Variants in ABRACL observed in about 807,000 individuals in gnomAD.
ABRACL encodes costars family protein ABRACL.
In ABRACL, 4 loss-of-function variants were observed where a neutral mutation model predicts 7.0. The ratio of observed to expected loss-of-function variants is 0.57; its 90% CI spans 0.28 to 1.30. The LOEUF is 1.30. Ranked by LOEUF, ABRACL falls within the 50% of genes most tolerant of loss-of-function variation. ABRACL has a pLI of 0.10. For synonymous variants in ABRACL, 30 were observed against 36.0 expected (o/e 0.83, Z 0.60); for missense variants, 104 against 97.3 (o/e 1.07, Z -0.29).
intron 1 of ABRACL, among the ~76,000 whole-genome samples, chr6:139,032,597 G>A (rs1344644081): frequency 6.6e-6 from 1 of 152,184 alleles, no homozygotes; most frequent in Admixed American, 6.5e-5. Flanking sequence ...ATAGTCATAG[G>A]TGTCACTCTT....
At chr6:139,041,809 A>T (rs954689170) in intron 2 of ABRACL, among the ~76,000 whole-genome samples, 3 of 152,090 alleles carry the variant, frequency 2.0e-5, no homozygotes, top group Non-Finnish European at 4.4e-5. Flanking sequence ...CTAGAAAGTG[A>T]TTCTCTACCT....
intron 2 of ABRACL, among the ~76,000 whole-genome samples, chr6:139,035,551 C>T (rs1462944564): frequency 6.6e-6 from 1 of 151,966 alleles, no homozygotes; most frequent in Non-Finnish European, 1.5e-5. Context: ...GGTGCAATCT[C>T]AGCTCACTGC....
chr6:139,040,806 T>C (rs1320806359), intron 2 of ABRACL, among the ~76,000 whole-genome samples: 2 of 152,206 alleles, frequency 1.3e-5, no homozygotes, highest in South Asian at 2.1e-4. Flanking sequence ...TTCACGCTGG[T>C]CACTGTTCCC....
chr6:139,030,015 G>A (rs1282478552), intron 1 of ABRACL, among the ~76,000 whole-genome samples: 3 of 151,982 alleles, frequency 2.0e-5, no homozygotes, highest in African/African-American at 7.3e-5. Context: ...GCACAAAGCC[G>A]AAATCGATTC....
rs1173038187 is a variant in ABRACL, at chr6:139,030,986, C to T, written c.-7+2111C>T. Among the ~76,000 whole-genome samples the T allele has an allele frequency of 2.6e-5, 4 of 152,064 alleles. No homozygotes were observed. The East Asian group carries it at 7.7e-4, about 29-fold the overall frequency. ...ATCTGCTTACTATAATGCAGGTATGCGTACTATATATAATAGATGAATTTC... is the reference window on the plus strand; with the variant it reads ...ATCTGCTTACTATAATGCAGGTATGTGTACTATATATAATAGATGAATTTC... On this transcript the variant is annotated intron_variant, in intron 1 of 2. Transcript: ENST00000367660.
At chr6:139,041,533 T>A (rs200173844) in intron 2 of ABRACL, among the ~76,000 whole-genome samples, 5 of 100,728 alleles carry the variant, frequency 5.0e-5, no homozygotes, top group Middle Eastern at 4.0e-3. Flanking sequence ...ATATATATAT[T>A]TTTTTTTAGG....
chr6:139,035,294 A>G (rs1318330926), intron 2 of ABRACL, among the ~76,000 whole-genome samples: 1 of 152,190 alleles, frequency 6.6e-6, no homozygotes, highest in Admixed American at 6.5e-5. Context: ...GAGTTTGACA[A>G]CGGTCCTGCT....
At chr6:139,035,083 T>C (rs1786133999) in intron 2 of ABRACL, among the ~76,000 whole-genome samples, 2 of 152,230 alleles carry the variant, frequency 1.3e-5, no homozygotes, top group Non-Finnish European at 2.9e-5. Context: ...ATTTGTGTCA[T>C]TATAGTTTGA....
At chr6:139,032,422 G>C (rs966706478) in intron 1 of ABRACL, among the ~76,000 whole-genome samples, 2 of 152,142 alleles carry the variant, frequency 1.3e-5, no homozygotes, top group African/African-American at 4.8e-5. Context: ...TTCATATTAA[G>C]TTTTATGAAG....
chr6:139,038,807 C>G (rs555706703), intron 2 of ABRACL, among the ~76,000 whole-genome samples: 10 of 152,254 alleles, frequency 6.6e-5, no homozygotes, highest in Admixed American at 2.0e-4. Context: ...GAAATGAATC[C>G]CAGCTCCTCT....
intron 2 of ABRACL, among the ~76,000 whole-genome samples, chr6:139,041,451 C>CTCTCTCTCTCTCTATA (rs140091253): frequency 1.7e-4 from 19 of 110,036 alleles, no homozygotes; most frequent in African/African-American, 6.7e-4. Flanking sequence ...CTCTCTCTCT[C>CTCTCTCTCTCTCTATA]TATATATATA....
Position 139,042,746 on chromosome 6 carries a change from T to A in ABRACL, c.89T>A (p.Phe30Tyr), listed in dbSNP as rs1254866007. The A allele has an allele frequency of 6.2e-7, 1 of 1,611,696 alleles. No individual in the cohort carries two copies. Among genetic ancestry groups the A allele is most frequent in the Non-Finnish European group, 8.5e-7 (1 of 1,179,202 alleles). Residue 30 changes from phenylalanine (F) to tyrosine (Y), a missense_variant, in exon 3 of 3, where the codon TTT becomes TAT. By Grantham distance (22) the Phe-to-Tyr change is conservative (BLOSUM62 3). Transcript: ENST00000367660. Reference sequence around the variant, plus strand: ...GCTGATGGAAAGTTAAGCGTGAAATTTGGGGTCCTCTTCCGTGATGATAAA... The same window carrying A: ...GCTGATGGAAAGTTAAGCGTGAAATATGGGGTCCTCTTCCGTGATGATAAA... ...KNADGKLSVK[F>Y]GVLFRDDKCA...
intron 2 of ABRACL, chr6:139,034,592 C>A: frequency 3.7e-6 from 2 of 547,328 alleles, no homozygotes; most frequent in Non-Finnish European, 5.9e-6. Flanking sequence ...ATTTTACAAA[C>A]TTCTTTTTTT....
At chr6:139,042,695 T>C (rs772361860) in intron 2 of ABRACL, 24 bp from the exon 3 acceptor site, 3 of 1,596,028 alleles carry the variant, frequency 1.9e-6, no homozygotes, top group Non-Finnish European at 8.5e-7. Flanking sequence ...TTGCATTTGC[T>C]AACAATGTAT....
chr6:139,041,532 T>TA (rs375672404), intron 2 of ABRACL, among the ~76,000 whole-genome samples: 75 of 7,638 alleles, frequency 9.8e-3, no homozygotes, highest in African/African-American at 0.06. Flanking sequence ...TATATATATA[T>TA]TTTTTTTTAG....
chr6:139,042,522 A>G (rs1241484943), intron 2 of ABRACL, among the ~76,000 whole-genome samples, 197 bp from the exon 3 acceptor site: 1 of 152,262 alleles, frequency 6.6e-6, no homozygotes, highest in Non-Finnish European at 1.5e-5. Context: ...CCTAAGGCCA[A>G]GAGGCATATA....
At chr6:139,038,786 C>T (rs907655293) in intron 2 of ABRACL, among the ~76,000 whole-genome samples, 3 of 152,168 alleles carry the variant, frequency 2.0e-5, no homozygotes, top group Non-Finnish European at 4.4e-5. Context: ...GCTGTAAAGT[C>T]GGACTCTCTG....
intron 2 of ABRACL, among the ~76,000 whole-genome samples, chr6:139,040,562 T>C (rs1052761293): frequency 1.2e-4 from 18 of 152,160 alleles, no homozygotes; most frequent in African/African-American, 3.6e-4. Flanking sequence ...CCTCATTTGA[T>C]GGATACCTGA....
chr6:139,030,429 A>G (rs530161672), intron 1 of ABRACL, among the ~76,000 whole-genome samples: 40 of 152,016 alleles, frequency 2.6e-4, no homozygotes, highest in African/African-American at 9.4e-4. Context: ...CGCCCCCTTC[A>G]TTGTTCTTCA....
Sources: gnomAD v4.1 joint callset for allele counts (sites outside exome capture counted in the v4.1 genomes callset) on GRCh38, gnomAD v4.1.1 for gene constraint, MANE v1.5 for transcripts, NCBI Gene and HGNC (gene_info 2026-07-23, HGNC 2026-07-21) for gene names.